The following OVOL2 variants were observed in gnomAD, a reference collection of about 807,000 sequenced individuals.
OVOL2 encodes ovo like zinc finger 2.
Under a neutral mutation model 18.1 loss-of-function variants are expected in OVOL2, and 13 were observed. The observed-to-expected ratio is 0.72, with a 90% CI of 0.47 to 1.14. The LOEUF (loss-of-function observed/expected upper bound fraction) is 1.14, where lower values mean the gene tolerates loss of function less well. Ranked by LOEUF, OVOL2 falls within the 50% of genes most tolerant of loss-of-function variation. The pLI is 0.00. For missense variants in OVOL2, 335 were observed against 383.0 expected (o/e 0.87, Z 1.05); for synonymous variants, 166 against 162.7 (o/e 1.02, Z -0.16).
chr20:18,027,133 C>T (rs1477238111), intron 3 of OVOL2, among the ~76,000 whole-genome samples: 4 of 151,556 alleles, frequency 2.6e-5, no homozygotes, highest in African/African-American at 4.9e-5. Context: ...AAGGTTGAGA[C>T]TGGTATGTGA....
At chr20:18,055,067 A>G (rs543593262) in intron 2 of OVOL2, among the ~76,000 whole-genome samples, 2 of 152,282 alleles carry the variant, frequency 1.3e-5, no homozygotes, top group East Asian at 3.9e-4. Context: ...TTAACGGTTC[A>G]GGAGTGAACT....
At chr20:18,032,095 C>T (rs1355809539) in intron 3 of OVOL2, among the ~76,000 whole-genome samples, 3 of 152,016 alleles carry the variant, frequency 2.0e-5, no homozygotes, top group Non-Finnish European at 4.4e-5. Flanking sequence ...TACCCTTTGG[C>T]CCAGCAATTT....
intron 2 of OVOL2, among the ~76,000 whole-genome samples, chr20:18,047,498 G>A (rs1407933232): frequency 6.9e-6 from 1 of 144,548 alleles, no homozygotes; most frequent in Non-Finnish European, 1.5e-5. Context: ...CAACAAGACT[G>A]TAACTCTGTC....
At chr20:18,026,955 A>G (rs1015745111) in intron 3 of OVOL2, among the ~76,000 whole-genome samples, 26 of 152,256 alleles carry the variant, frequency 1.7e-4, no homozygotes, top group Admixed American at 1.7e-3. Flanking sequence ...CAGAGGGCGG[A>G]CAGAGGGAGG....
At chr20:18,047,120 G>A (rs117225117) in intron 2 of OVOL2, among the ~76,000 whole-genome samples, 1,641 of 152,266 alleles carry the variant, frequency 0.011, 11 homozygotes, top group Middle Eastern at 0.017. Flanking sequence ...TTCAATTCCT[G>A]TTCTACCACT....
Position 18,041,523 on chromosome 20 carries a change from T to G in OVOL2, c.511+11A>C. Reference sequence around the variant, plus strand: ...ACAAAACAGAGAACAAAGCACGCACTCCCCGCTCACCTGTGTGTGTGCGGA... The same window carrying G: ...ACAAAACAGAGAACAAAGCACGCACGCCCCGCTCACCTGTGTGTGTGCGGA... On this transcript the variant is annotated intron_variant, in intron 3 of 3. Transcript: ENST00000278780. 3 of 1,601,464 alleles carry G rather than the reference T, an allele frequency of 1.9e-6. No individual in the cohort carries two copies. In the South Asian group the frequency reaches 3.3e-5, roughly 18 times the overall value.
rs2036486909 is a variant in OVOL2 at position 18,024,225 on chromosome 20, C to T, written c.*411G>A. 1 of 166,314 alleles carries T rather than the reference C, an allele frequency of 6.0e-6. No individual in the cohort carries two copies. The highest frequency in any genetic ancestry group is 2.4e-5 in the African/African-American group (1 of 41,770). The allele number at this position is 166,314 out of a possible 1,614,324, so 10.3% of individuals were successfully genotyped here. ...TTAAAATAGTTTCTGTAAACTCTTT[C>T]AGAATAACAAAATTCACTTGCCTTG... On this transcript the variant is annotated 3_prime_UTR_variant, in exon 4 of 4. Coordinates refer to ENST00000278780, the MANE Select transcript of OVOL2 (RefSeq NM_021220.4).
In OVOL2 at chr20:18,025,733, G is replaced by A. The variant is rs73899381; in HGVS notation, c.512-781C>T. Among the ~76,000 whole-genome samples the A allele has an allele frequency of 3.1e-3, 478 of 152,300 alleles. 4 individuals carry two copies. The highest frequency in any genetic ancestry group is 0.011 in the African/African-American group (460 of 41,572). The stretch of plus-strand genomic sequence containing the variant: ...GGGGAAGCTACCCAGCCAGTTACAC[G>A]GTGGACAACCAGGGTCCAGTCCTCT... On this transcript the variant is annotated intron_variant, in intron 3 of 3. Transcript: ENST00000278780.
rs1240500025 is a variant in OVOL2 at position 18,057,102 on chromosome 20, A to G, written c.101-225T>C. Among the ~76,000 whole-genome samples the G allele has an allele frequency of 6.6e-6, 1 of 152,066 alleles. No homozygotes were observed. The highest frequency in any genetic ancestry group is 1.5e-5 in the Non-Finnish European group (1 of 67,982). On this transcript the variant is annotated intron_variant, in intron 1 of 3. Coordinates refer to ENST00000278780, the MANE Select transcript of OVOL2 (RefSeq NM_021220.4). This position sits in a 1 kb window ranked among gnomAD's most constrained non-coding sequence, Gnocchi z 6.3. ...GTCCCAGCCAAGGCGCCCACGAGGA[A>G]CCGGGCGGCCACGAGCGGCGGAGGA...
rs764156559 is a variant in OVOL2, at chr20:18,056,911, A to C, written c.101-34T>G. 1.0e-5 allele frequency: 15 copies of C among 1,466,638 alleles called. No homozygotes were observed. In the Admixed American group the frequency reaches 3.7e-4, roughly 36 times the overall value. 90.9% of individuals were successfully genotyped at this position (1,466,638 alleles called of 1,614,324 possible). ...GGAGGGGCCGCGCCCCGACACACAC[A>C]CTCGGCGTCAACCCGCACGCCCGCG... On this transcript the variant is annotated intron_variant, in intron 1 of 3. Transcript: ENST00000278780. This position sits in a 1 kb window ranked among gnomAD's most constrained non-coding sequence, Gnocchi z 4.2.
intron 3 of OVOL2, among the ~76,000 whole-genome samples, chr20:18,029,022 A>AT (rs1229764767): frequency 7.5e-6 from 1 of 134,000 alleles, no homozygotes; most frequent in Admixed American, 7.6e-5. Flanking sequence ...ATATATGTAC[A>AT]TTTTTATTTT....
intron 2 of OVOL2, 43 bp from the exon 3 acceptor site, chr20:18,041,766 C>T: frequency 3.8e-6 from 6 of 1,577,988 alleles, no homozygotes; most frequent in Non-Finnish European, 5.2e-6. Context: ...GGCAGGCAGG[C>T]ACATCCAGTA....
chr20:18,056,189 G>T lies in OVOL2; in HGVS notation c.321+468C>A, dbSNP rs2036822575. On this transcript the variant is annotated intron_variant, in intron 2 of 3. Transcript: ENST00000278780. This position sits in a 1 kb window ranked among gnomAD's most constrained non-coding sequence, Gnocchi z 4.2. Reference sequence around the variant, plus strand: ...TGTGTCAAGCTGCCGCCCAGGTCCAGAACATAAGCATGGGGGGTGAACTCT... The same window carrying T: ...TGTGTCAAGCTGCCGCCCAGGTCCATAACATAAGCATGGGGGGTGAACTCT... Among the ~76,000 whole-genome samples, 1 of 152,222 alleles carries T rather than the reference G, an allele frequency of 6.6e-6. No homozygotes were observed. Among genetic ancestry groups the T allele is most frequent in the African/African-American group, 2.4e-5 (1 of 41,462 alleles).
At chr20:18,028,670 G>A (rs1420293319) in intron 3 of OVOL2, among the ~76,000 whole-genome samples, 6 of 152,010 alleles carry the variant, frequency 3.9e-5, no homozygotes, top group African/African-American at 1.2e-4. Context: ...GCCCACATCT[G>A]TAATCTCAGC....
rs142452000 is a variant in OVOL2 at position 18,048,595 on chromosome 20, G to A, written c.322-6872C>T. On this transcript the variant is annotated intron_variant, in intron 2 of 3. Transcript: ENST00000278780. ...ACAAAAATTAGCTGGGCATGGTGAT[G>A]CACACCTGTAATCCCAGCTACTCAG... is the stretch of plus-strand genomic sequence containing the variant. Among the ~76,000 whole-genome samples, 359 of 152,174 alleles carry A rather than the reference G, an allele frequency of 2.4e-3. 1 individual carries two copies. Among genetic ancestry groups the A allele is most frequent in the African/African-American group, 8.1e-3 (336 of 41,504 alleles).
chr20:18,046,670 A>G (rs2036726466), intron 2 of OVOL2, among the ~76,000 whole-genome samples: 2 of 152,204 alleles, frequency 1.3e-5, no homozygotes, highest in Admixed American at 1.3e-4. Context: ...CCAGGACTGC[A>G]TGGTACAGAA....
intron 2 of OVOL2, chr20:18,050,649 A>G (rs926675570): frequency 6.6e-6 from 1 of 152,192 alleles, no homozygotes; most frequent in Admixed American, 6.5e-5. Context: ...ACCTTCATCA[A>G]GAATCCATTC....
At position 18,024,734 on chromosome 20, in the gene OVOL2, T is replaced by C; in HGVS notation, c.730A>G (p.Lys244Glu). Reference protein sequence around the residue: ...NSAHPGSSFLKKTSKKLAALL... With the variant: ...NSAHPGSSFLEKTSKKLAALL... ...GCTGCCAGTTTTTTAGATGTCTTTT[T>C]GAGAAACGAGCTGCCCGGATGGGCA... Residue 244 changes from lysine (K) to glutamate (E), a missense_variant, in exon 4 of 4, where the codon AAA (lysine) becomes GAA (glutamate). Physicochemically the swap from Lys to Glu is moderately conservative, Grantham distance 56. Transcript: ENST00000278780. The C allele has an allele frequency of 6.2e-7, 1 of 1,614,190 alleles. No homozygotes were observed. Among genetic ancestry groups the C allele is most frequent in the Non-Finnish European group, 8.5e-7 (1 of 1,180,034 alleles).
chr20:18,038,690 C>G (rs2036642118), intron 3 of OVOL2, among the ~76,000 whole-genome samples: 1 of 152,110 alleles, frequency 6.6e-6, no homozygotes, highest in Non-Finnish European at 1.5e-5. Flanking sequence ...GGAGTGACCA[C>G]AGAGTCCATC....
Sources: gnomAD v4.1 joint callset for allele counts (sites outside exome capture counted in the v4.1 genomes callset) on GRCh38, gnomAD v4.1.1 for gene constraint, Gnocchi (gnomAD v3.1) non-coding constraint, MANE v1.5 for transcripts, NCBI Gene and HGNC (gene_info 2026-07-23, HGNC 2026-07-21) for gene names.